Variants in TNRC6B observed in about 807,000 individuals in gnomAD.
The protein encoded by TNRC6B is trinucleotide repeat containing adaptor 6B, also known as trinucleotide repeat-containing gene 6B protein.
In TNRC6B, 52 loss-of-function variants were observed where a neutral mutation model predicts 203.6. The ratio of observed to expected loss-of-function variants is 0.26; its 90% CI spans 0.20 to 0.32. The LOEUF (loss-of-function observed/expected upper bound fraction) is 0.32, where lower values mean the gene tolerates loss of function less well. Ranked by LOEUF, TNRC6B falls within the 10% of genes least tolerant of loss-of-function variation. The pLI is 1.00. For synonymous variants in TNRC6B, 838 were observed against 845.7 expected (o/e 0.99, Z 0.16); for missense variants, 1,923 against 2,286.2 (o/e 0.84, Z 3.24).
At chr22:40,280,407 T>G (rs2070707708) in intron 10 of TNRC6B, among the ~76,000 whole-genome samples, 1 of 152,272 alleles carries the variant, frequency 6.6e-6, no homozygotes, top group East Asian at 1.9e-4. Context: ...ATTTTAGAGA[T>G]AAACTTACTC....
chr22:40,285,458 T>G (rs1360970259), intron 11 of TNRC6B, among the ~76,000 whole-genome samples, 187 bp from the exon 12 acceptor site: 2 of 152,198 alleles, frequency 1.3e-5, no homozygotes, highest in East Asian at 3.8e-4. Flanking sequence ...ACTGTACAGG[T>G]GCCCATGAGT....
In TNRC6B at chr22:40,177,929, A is replaced by C; in HGVS notation, c.-207A>C. The C allele has an allele frequency of 2.2e-6, 3 of 1,353,862 alleles. No individual in the cohort carries two copies. Among genetic ancestry groups the C allele is most frequent in the Non-Finnish European group, 2.8e-6 (3 of 1,056,484 alleles). The allele number at this position is 1,353,862 out of a possible 1,614,324, so 83.9% of individuals were successfully genotyped here. On this transcript the variant is annotated 5_prime_UTR_variant, in exon 1 of 23. Coordinates refer to ENST00000454349, the MANE Select transcript of TNRC6B (RefSeq NM_001162501.2). ...TCACAAAAAGCTGCTTCCTTTAGAG[A>C]CAGAGAGGGAGAGAGAGAGCAAGAG... is the stretch of plus-strand genomic sequence containing the variant.
intron 1 of TNRC6B, among the ~76,000 whole-genome samples, chr22:40,061,408 C>T (rs1306284243): frequency 2.7e-5 from 4 of 150,544 alleles, no homozygotes; most frequent in South Asian, 4.2e-4. Flanking sequence ...TTTTTAGTAG[C>T]GACAGGGTTT....
At chr22:40,149,399 T>C (rs964668240) in intron 3 of TNRC6B, among the ~76,000 whole-genome samples, 2 of 152,138 alleles carry the variant, frequency 1.3e-5, no homozygotes, top group Admixed American at 1.3e-4. Context: ...CTGGGTGCGG[T>C]GGCTCACACT....
At chr22:40,296,274 A>T (rs2070938469) in intron 12 of TNRC6B, among the ~76,000 whole-genome samples, 1 of 152,036 alleles carries the variant, frequency 6.6e-6, no homozygotes, top group African/African-American at 2.4e-5. Flanking sequence ...GCCTCAGATC[A>T]GAAATGGGAA....
At chr22:40,171,230 C>T (rs1390479901) in intron 4 of TNRC6B, among the ~76,000 whole-genome samples, 30 of 145,034 alleles carry the variant, frequency 2.1e-4, no homozygotes, top group Non-Finnish European at 3.0e-5. Flanking sequence ...GGCGCAATCT[C>T]GGCTCACTGC....
intron 3 of TNRC6B, among the ~76,000 whole-genome samples, chr22:40,132,880 C>T (rs1396707947): frequency 1.5e-5 from 2 of 130,950 alleles, no homozygotes; most frequent in African/African-American, 2.8e-5. Context: ...GAAGGCGGAG[C>T]TTGCAGTGAG....
At chr22:40,163,827 ATTTTT>A (rs1024006169) in intron 4 of TNRC6B, among the ~76,000 whole-genome samples, 19 of 152,052 alleles carry the variant, frequency 1.2e-4, no homozygotes, top group African/African-American at 4.6e-4. Flanking sequence ...ATTTTATTTT[ATTTTT>A]TTATTTTATT....
intron 1 of TNRC6B, among the ~76,000 whole-genome samples, chr22:40,189,933 A>G (rs2069250869): frequency 6.6e-6 from 1 of 152,216 alleles, no homozygotes; most frequent in Non-Finnish European, 1.5e-5. Context: ...AGTAGAATGA[A>G]CAGTCTCAGA....
At chr22:40,235,531 A>G (rs2069936223) in intron 1 of TNRC6B, among the ~76,000 whole-genome samples, 1 of 152,186 alleles carries the variant, frequency 6.6e-6, no homozygotes, top group South Asian at 2.1e-4. Flanking sequence ...TCACATCCCC[A>G]TCTCTAATTG....
chr22:40,114,886 A>G (rs950525915), intron 1 of TNRC6B, among the ~76,000 whole-genome samples: 28 of 152,234 alleles, frequency 1.8e-4, no homozygotes, highest in African/African-American at 6.3e-4. Flanking sequence ...TGGAAGGAAA[A>G]TAGTGCTGTA....
chr22:40,152,090 T>G (rs2068763019), intron 3 of TNRC6B, among the ~76,000 whole-genome samples: 1 of 152,210 alleles, frequency 6.6e-6, no homozygotes, highest in Non-Finnish European at 1.5e-5. Flanking sequence ...GTTTGCATTT[T>G]TAAAAACTAA....
In TNRC6B at chr22:40,331,788, G is replaced by T. The variant is rs79886876; in HGVS notation, c.*8547G>T. The T allele has an allele frequency of 0.012, 4,587 of 376,968 alleles. 201 individuals are homozygous for T. Among genetic ancestry groups the T allele is most frequent in the African/African-American group, 0.087 (4,190 of 48,124 alleles). 23.4% of individuals were successfully genotyped at this position (376,968 alleles called of 1,614,324 possible). A position where few individuals can be genotyped will look rare whatever the true frequency, so the allele number is the denominator to read the frequency against. On this transcript the variant is annotated 3_prime_UTR_variant, in exon 23 of 23. Coordinates refer to ENST00000454349, the MANE Select transcript of TNRC6B (RefSeq NM_001162501.2). ...AGGGCAGAAAGGGGAAGGGAGTAGCGTTGCATCCTTGTTCTTCAGTTTCTG... is the reference window on the plus strand; with the variant it reads ...AGGGCAGAAAGGGGAAGGGAGTAGCTTTGCATCCTTGTTCTTCAGTTTCTG...
intron 7 of TNRC6B, among the ~76,000 whole-genome samples, chr22:40,274,159 A>G (rs935068237): frequency 3.9e-5 from 6 of 152,162 alleles, no homozygotes; most frequent in Admixed American, 3.3e-4. Context: ...TTTAGTTTCC[A>G]CATTATAATA....
At position 40,288,839 on chromosome 22, in the gene TNRC6B, CT is replaced by C. The variant is rs1224962691; in HGVS notation, c.3708+3089del. ...TACAGGCGTGAGCCACTGTGCCCAG[CT>C]TTTTTTTTTTTTTTTTTTTGAGGCA... On this transcript the variant is annotated intron_variant, in intron 12 of 22. Coordinates refer to ENST00000454349, the MANE Select transcript of TNRC6B (RefSeq NM_001162501.2). 9.9e-3 allele frequency among the ~76,000 whole-genome samples: 1,039 copies of C among 105,102 alleles called. 9 individuals are homozygous for C. Among genetic ancestry groups the C allele is most frequent in the African/African-American group, 0.035 (889 of 25,646 alleles). The allele number at this position is 105,102 out of a possible 152,430, so 69.0% of individuals were successfully genotyped here.
intron 2 of TNRC6B, among the ~76,000 whole-genome samples, chr22:40,118,016 A>C (rs1402068812): frequency 6.6e-6 from 1 of 152,186 alleles, no homozygotes; most frequent in African/African-American, 2.4e-5. Context: ...GGATCTGAGA[A>C]ACAAATTTTG....
intron 1 of TNRC6B, among the ~76,000 whole-genome samples, chr22:40,092,565 G>A (rs2068158725): frequency 6.6e-6 from 1 of 152,140 alleles, no homozygotes; most frequent in South Asian, 2.1e-4. Flanking sequence ...CTGAAGTACA[G>A]TGGTGAAATC....
intron 3 of TNRC6B, among the ~76,000 whole-genome samples, chr22:40,134,738 T>C (rs1332399902): frequency 1.3e-5 from 2 of 152,188 alleles, no homozygotes; most frequent in Admixed American, 6.5e-5. Flanking sequence ...TGTATCAATA[T>C]TGGTTCATGA....
At chr22:40,047,666 G>T (rs1323936105) in intron 1 of TNRC6B, among the ~76,000 whole-genome samples, 1 of 151,742 alleles carries the variant, frequency 6.6e-6, no homozygotes, top group African/African-American at 2.4e-5. Context: ...TAACATTTTT[G>T]CAAAAGTACA....
Sources: gnomAD v4.1 joint callset for allele counts (sites outside exome capture counted in the v4.1 genomes callset) on GRCh38, gnomAD v4.1.1 for gene constraint, MANE v1.5 for transcripts, NCBI Gene and HGNC (gene_info 2026-07-23, HGNC 2026-07-21) for gene names.